The following COL5A1 variants were observed in gnomAD, a reference collection of about 807,000 sequenced individuals.
The protein encoded by COL5A1 is collagen alpha-1(V) chain.
A neutral mutation model predicts 263.7 loss-of-function variants in COL5A1; 16 were observed. The ratio of observed to expected loss-of-function variants is 0.06; its 90% confidence interval spans 0.04 to 0.09. The LOEUF is 0.09. Among genes scored for constraint, COL5A1 ranks in the 10% least tolerant of loss-of-function variants. The pLI, the probability that COL5A1 is intolerant of heterozygous loss-of-function variation, is 1.00. For missense variants in COL5A1, 2,036 were observed against 2,540.5 expected, an observed-to-expected ratio of 0.80 and a Z score of 4.27; for synonymous variants, 1,012 against 1,004.5, an observed-to-expected ratio of 1.01 and a Z score of -0.14.
chr9:134,665,072 G>A (rs112775512), intron 1 of COL5A1, among the ~76,000 whole-genome samples: 10,680 of 152,202 alleles, frequency 0.07, 473 homozygotes, highest in Non-Finnish European at 0.095. Flanking sequence ...GGTGGCGGGC[G>A]TCTGTAATCC....
At chr9:134,736,385 G>A (rs1169672137) in intron 9 of COL5A1, among the ~76,000 whole-genome samples, 1 of 152,184 alleles carries the variant, frequency 6.6e-6, no homozygotes, top group Admixed American at 6.5e-5. Flanking sequence ...GAAGGAGCGG[G>A]AGAGAAGGTG....
chr9:134,732,517 C>G, intron 9 of COL5A1: 2 of 362,640 alleles, frequency 5.5e-6, no homozygotes, highest in South Asian at 6.2e-5. Context: ...AAAAGATGCG[C>G]GCGGCAGTGG....
chr9:134,645,069 C>T (rs1238395862), intron 1 of COL5A1, among the ~76,000 whole-genome samples: 13 of 152,148 alleles, frequency 8.5e-5, no homozygotes, highest in Admixed American at 8.5e-4. Flanking sequence ...TCCAGATTTG[C>T]CGGAGGGGTT....
rs577370505 is a variant in COL5A1, at chr9:134,841,580, C to A, written c.5371-577C>A. Among the ~76,000 whole-genome samples, 176 of 152,294 alleles carry A rather than the reference C, an allele frequency of 1.2e-3. No homozygotes were observed. Among genetic ancestry groups the A allele is most frequent in the Non-Finnish European group, 2.1e-3 (144 of 68,010 alleles). On this transcript the variant is annotated intron_variant, in intron 65 of 65. Coordinates refer to ENST00000371817, the MANE Select transcript of COL5A1 (RefSeq NM_000093.5). This position sits in a 1 kb window ranked among gnomAD's most constrained non-coding sequence, Gnocchi z 4.8. ...CTCTAGACCAGATGGTGTGGAAGGT[C>A]CCCACCCCTTCCCATACTTGTGGAG...
intron 27 of COL5A1, among the ~76,000 whole-genome samples, chr9:134,778,714 C>G (rs1284584749): frequency 6.6e-6 from 1 of 152,228 alleles, no homozygotes; most frequent in Admixed American, 6.5e-5. Flanking sequence ...CCAGGCCTCT[C>G]CACTAGTGGT....
intron 17 of COL5A1, 97 bp downstream of exon 17, chr9:134,756,915 G>A (rs1299460535): frequency 8.3e-6 from 10 of 1,209,648 alleles, no homozygotes; most frequent in African/African-American, 4.5e-5. Context: ...TGATGACTAC[G>A]ATTATGATGA....
At chr9:134,793,385 G>GGGC (rs1554801154) in intron 32 of COL5A1, among the ~76,000 whole-genome samples, 5 of 44,034 alleles carry the variant, frequency 1.1e-4, no homozygotes, top group Admixed American at 4.1e-4. Context: ...TAAGGAGGCT[G>GGGC]GGGGGGGCAT....
chr9:134,694,451 T>G (rs2132557532), intron 2 of COL5A1, among the ~76,000 whole-genome samples: 1 of 152,376 alleles, frequency 6.6e-6, no homozygotes, highest in East Asian at 1.9e-4. Flanking sequence ...CGGCCTCCTC[T>G]GGCCTGGGAG....
rs375849402 is a variant in COL5A1 at position 134,812,759 on chromosome 9, A to AGTGT, written c.3852+58_3852+61dup. The AGTGT allele has an allele frequency of 2.8e-3, 2,708 of 969,206 alleles. 7 individuals are homozygous for AGTGT. Among genetic ancestry groups the AGTGT allele is most frequent in the African/African-American group, 0.011 (520 of 45,316 alleles). The allele number at this position is 969,206 out of a possible 1,614,324, so 60.0% of individuals were successfully genotyped here. A position where few individuals can be genotyped will look rare whatever the true frequency, so the allele number is the denominator to read the frequency against. Reference sequence around the variant, plus strand: ...GTGGCAGATTTGCGGTTGTTTGAGGAGTGTGTGTGTGTGTCTGTGTGTGTG... The same window carrying AGTGT: ...GTGGCAGATTTGCGGTTGTTTGAGGAGTGTGTGTGTGTGTGTGTCTGTGTGTGTG... On this transcript the variant is annotated intron_variant, in intron 48 of 65. Transcript: ENST00000371817.
rs149765654 is a variant in COL5A1, at chr9:134,813,112, G to A, written c.3852+400G>A. Among the ~76,000 whole-genome samples, 16 of 151,980 alleles carry A rather than the reference G, an allele frequency of 1.1e-4. No individual in the cohort carries two copies. The East Asian group carries it at 1.6e-3, about 15-fold the overall frequency. On this transcript the variant is annotated intron_variant, in intron 48 of 65. Coordinates refer to ENST00000371817, the MANE Select transcript of COL5A1 (RefSeq NM_000093.5). ...TAAGCTTGCAGTTTCCATTTCAGCC[G>A]AATTATTTTCTCAAATGGGTCCTCT...
chr9:134,766,677 A>T (rs1231130181), intron 22 of COL5A1, among the ~76,000 whole-genome samples, 179 bp downstream of exon 22: 1 of 152,178 alleles, frequency 6.6e-6, no homozygotes, highest in Non-Finnish European at 1.5e-5. Flanking sequence ...CTTTAGCATG[A>T]TGGGGTGACT....
chr9:134,662,860 GT>G (rs1419551623), intron 1 of COL5A1, among the ~76,000 whole-genome samples: 2 of 152,212 alleles, frequency 1.3e-5, no homozygotes, highest in African/African-American at 2.4e-5. Context: ...ACCAGAGTTG[GT>G]CACTCTAAAC....
chr9:134,802,631 C>T (rs572348836), intron 38 of COL5A1, among the ~76,000 whole-genome samples: 17 of 152,318 alleles, frequency 1.1e-4, no homozygotes, highest in South Asian at 2.1e-4. Context: ...CAGGCTTGGC[C>T]GTGCCTCCTG....
chr9:134,706,871 C>A (rs1833852485), intron 4 of COL5A1, among the ~76,000 whole-genome samples: 1 of 152,220 alleles, frequency 6.6e-6, no homozygotes, highest in South Asian at 2.1e-4. Context: ...GGCAGAGGGC[C>A]CAAGAGTGTC....
chr9:134,835,288 C>T, intron 65 of COL5A1, 84 bp downstream of exon 65: 1 of 1,271,356 alleles, frequency 7.9e-7, no homozygotes. Flanking sequence ...TACCTGTCCC[C>T]AAGATGCCTG....
At chr9:134,826,720 T>TGTAG (rs1564489063) in intron 63 of COL5A1, among the ~76,000 whole-genome samples, 1 of 14,110 alleles carries the variant, frequency 7.1e-5, no homozygotes. Flanking sequence ...GGTGTGTGGG[T>TGTAG]GGTGTGTGGG....
intron 24 of COL5A1, among the ~76,000 whole-genome samples, chr9:134,767,803 C>T (rs1178459581): frequency 2.6e-5 from 4 of 152,346 alleles, no homozygotes; most frequent in South Asian, 4.1e-4. Flanking sequence ...CCTTCTAGAG[C>T]TTGTCGCTTA....
At position 134,641,824 on chromosome 9, in the gene COL5A1, G is replaced by T. The variant is rs780212970; in HGVS notation, c.-364G>T. On this transcript the variant is annotated 5_prime_UTR_variant, in exon 1 of 66. Transcript: ENST00000371817. Reference sequence around the variant, plus strand: ...CGAGGTCCGCACTCTCCGTCCCCGCGGCTGGCGCAGGACCTCACTCGAGCG... The same window carrying T: ...CGAGGTCCGCACTCTCCGTCCCCGCTGCTGGCGCAGGACCTCACTCGAGCG... The T allele has an allele frequency of 2.6e-6, 1 of 387,692 alleles. No homozygotes were observed. Among genetic ancestry groups the T allele is most frequent in the South Asian group, 1.4e-4 (1 of 7,076 alleles). 24.0% of individuals were successfully genotyped at this position (387,692 alleles called of 1,614,324 possible). A position where few individuals can be genotyped will look rare whatever the true frequency, so the allele number is the denominator to read the frequency against.
chr9:134,732,368 G>T, intron 9 of COL5A1: 1 of 614,978 alleles, frequency 1.6e-6, no homozygotes, highest in Non-Finnish European at 2.9e-6. Context: ...GCTGATCAAA[G>T]CCGGTCCTGC....
Sources: gnomAD v4.1 joint callset for allele counts (sites outside exome capture counted in the v4.1 genomes callset) on GRCh38, gnomAD v4.1.1 for gene constraint, Gnocchi (gnomAD v3.1) non-coding constraint, MANE v1.5 for transcripts, NCBI Gene and HGNC (gene_info 2026-07-23, HGNC 2026-07-21) for gene names.